PIK3R2: variants seen among roughly 807,000 people sequenced by gnomAD.
PIK3R2 encodes the protein phosphatidylinositol 3-kinase regulatory subunit beta.
In PIK3R2, 40 loss-of-function variants were observed where a neutral mutation model predicts 78.5. The observed-to-expected ratio is 0.51, with a 90% CI of 0.40 to 0.66. PIK3R2 has a LOEUF of 0.66. PIK3R2 is among the 30% of genes least tolerant of loss of function. The pLI is 0.00. For missense variants in PIK3R2, 880 were observed against 1,026.6 expected, an observed-to-expected ratio of 0.86 and a Z score of 1.95; for synonymous variants, 473 against 457.7, an observed-to-expected ratio of 1.03 and a Z score of -0.43.
chr19:18,162,361 G>A (rs550903295), intron 8 of PIK3R2, 47 bp from the exon 9 acceptor site: 7 of 1,594,420 alleles, frequency 4.4e-6, no homozygotes, highest in Middle Eastern at 1.7e-4. Flanking sequence ...CAGGGTGAGC[G>A]GGGTCTCCAG....
At position 18,169,906 on chromosome 19, in the gene PIK3R2, G is replaced by A. The variant is rs1045462782; in HGVS notation, c.*612G>A. ...CGCTGCGAGAAGTTCACCCACCCCC[G>A]AAAAAATAATTAAACTCGCAGGCCA... On this transcript the variant is annotated 3_prime_UTR_variant, in exon 16 of 16. Coordinates refer to ENST00000222254, the MANE Select transcript of PIK3R2 (RefSeq NM_005027.4). 1.4e-4 allele frequency: 27 copies of A among 194,496 alleles called. No homozygotes were observed. The highest frequency in any genetic ancestry group is 5.6e-4 in the African/African-American group (24 of 43,220). 12.0% of individuals were successfully genotyped at this position (194,496 alleles called of 1,614,324 possible). A position where few individuals can be genotyped will look rare whatever the true frequency, so the allele number is the denominator to read the frequency against.
chr19:18,163,186 G>A (rs2147953453), intron 10 of PIK3R2, 39 bp downstream of exon 10: 1 of 1,613,472 alleles, frequency 6.2e-7, no homozygotes, highest in Non-Finnish European at 8.5e-7. Flanking sequence ...GTAGCACCTG[G>A]CTGGCCCCAG....
rs571455068 is a variant in PIK3R2, at chr19:18,165,510, C to T, written c.1417-650C>T. ...GATCACGCCACTGCTCCAGCCTGGGCGACAAGAGCAAGACTCCATCTCAAA... is the reference window on the plus strand; with the variant it reads ...GATCACGCCACTGCTCCAGCCTGGGTGACAAGAGCAAGACTCCATCTCAAA... On this transcript the variant is annotated intron_variant, in intron 11 of 15. Transcript: ENST00000222254. Among the ~76,000 whole-genome samples the T allele has an allele frequency of 3.9e-5, 6 of 152,204 alleles. No individual in the cohort carries two copies. In the East Asian group the frequency reaches 5.8e-4, roughly 15 times the overall value.
At chr19:18,166,785 A>G (rs987125428) in intron 12 of PIK3R2, among the ~76,000 whole-genome samples, 1 of 151,880 alleles carries the variant, frequency 6.6e-6, no homozygotes, top group Non-Finnish European at 1.5e-5. Flanking sequence ...AGGAAACAGC[A>G]TATGCACAGG....
Position 18,161,844 on chromosome 19 carries a change from C to T in PIK3R2, c.816-122C>T. The T allele has an allele frequency of 3.9e-6, 3 of 767,094 alleles. No individual in the cohort carries two copies. Among genetic ancestry groups the T allele is most frequent in the East Asian group, 2.6e-5 (1 of 37,872 alleles). 47.5% of individuals were successfully genotyped at this position (767,094 alleles called of 1,614,324 possible). On this transcript the variant is annotated intron_variant, in intron 6 of 15. Transcript: ENST00000222254. This position sits in a 1 kb window ranked among gnomAD's most constrained non-coding sequence, Gnocchi z 5.3. Reference sequence around the variant, plus strand: ...GCACATGTGCCTGTATCATCTCCTCCTCCGCCCTGCACATACTGTCTCGTA... The same window carrying T: ...GCACATGTGCCTGTATCATCTCCTCTTCCGCCCTGCACATACTGTCTCGTA...
chr19:18,162,905 G>C (rs1432929110), intron 9 of PIK3R2, 62 bp from the exon 10 acceptor site: 1 of 1,480,422 alleles, frequency 6.8e-7, no homozygotes, highest in African/African-American at 1.4e-5. Context: ...AAAAAAAGGG[G>C]ACAGGGATTG....
intron 2 of PIK3R2, 136 bp from the exon 3 acceptor site, chr19:18,160,335 G>A (rs538998871): frequency 1.5e-6 from 1 of 650,500 alleles, no homozygotes; most frequent in South Asian, 1.9e-5. Flanking sequence ...CTGCGGATGG[G>A]AGTCAAGGTG....
intron 1 of PIK3R2, among the ~76,000 whole-genome samples, chr19:18,155,208 A>AC (rs1299577174): frequency 6.6e-6 from 1 of 151,432 alleles, no homozygotes; most frequent in African/African-American, 2.4e-5. Flanking sequence ...AAAAAAAAAA[A>AC]AAAAAAAACT....
In PIK3R2 at chr19:18,169,618, C is replaced by T. The variant is rs1285876346; in HGVS notation, c.*324C>T. Reference sequence around the variant, plus strand: ...CACCCTGACCCTCTGCCCTGCCCACCGCAGGTCCCCCGGGGTCCCGGAAGC... The same window carrying T: ...CACCCTGACCCTCTGCCCTGCCCACTGCAGGTCCCCCGGGGTCCCGGAAGC... On this transcript the variant is annotated 3_prime_UTR_variant, in exon 16 of 16. Coordinates refer to ENST00000222254, the MANE Select transcript of PIK3R2 (RefSeq NM_005027.4). The T allele has an allele frequency of 1.1e-5, 3 of 264,690 alleles. No individual in the cohort carries two copies. The highest frequency in any genetic ancestry group is 2.2e-5 in the Non-Finnish European group (3 of 138,340). The allele number at this position is 264,690 out of a possible 1,614,324, so 16.4% of individuals were successfully genotyped here.
Position 18,167,662 on chromosome 19 carries a change from A to G in PIK3R2, c.1736+356A>G, listed in dbSNP as rs559021925. 2.4e-4 allele frequency among the ~76,000 whole-genome samples: 36 copies of G among 152,258 alleles called. No individual in the cohort carries two copies. The highest frequency in any genetic ancestry group is 7.7e-4 in the African/African-American group (32 of 41,538). Reference sequence around the variant, plus strand: ...CACTTGAGGCCAGGAGTTCAAGACCAGCCTGGCCAACATGGTGAAACCCCG... The same window carrying G: ...CACTTGAGGCCAGGAGTTCAAGACCGGCCTGGCCAACATGGTGAAACCCCG... On this transcript the variant is annotated intron_variant, in intron 13 of 15. Transcript: ENST00000222254. The surrounding 1 kb of genome is among the most constrained non-coding windows in gnomAD (Gnocchi z 4.5).
Position 18,169,093 on chromosome 19 carries a change from C to T in PIK3R2, c.1986C>T (p.Asp662=), listed in dbSNP as rs749028997. Residue 662 remains aspartate (D), a synonymous_variant, in exon 16 of 16, where the codon GAC becomes GAT. Transcript: ENST00000222254. ...CTCTCGTCTGCCCCCACAGAGTGGA[C>T]GGCGACACCAAGCACTGCGTCATCT... ...RGCYACSVVV[D]GDTKHCVIYR... The T allele has an allele frequency of 1.2e-4, 192 of 1,609,940 alleles. No homozygotes were observed. The South Asian group carries it at 1.9e-3, about 16-fold the overall frequency.
In PIK3R2 at chr19:18,155,437, C is replaced by G; in HGVS notation, c.-423-20C>G. 2.5e-6 allele frequency: 1 copy of G among 401,040 alleles called. No homozygotes were observed. Among genetic ancestry groups the G allele is most frequent in the East Asian group, 3.6e-5 (1 of 27,820 alleles). The allele number at this position is 401,040 out of a possible 1,614,324, so 24.8% of individuals were successfully genotyped here. On this transcript the variant is annotated intron_variant, in intron 1 of 15. Coordinates refer to ENST00000222254, the MANE Select transcript of PIK3R2 (RefSeq NM_005027.4). ...AGAGGAGTTGGCCTGGCTAACGCTG[C>G]CCTATCCCTGTCTCCCTAGGTCGGC...
In PIK3R2 at chr19:18,162,348, T is replaced by A. The variant is rs942607993; in HGVS notation, c.1010+38T>A. 1.1e-5 allele frequency: 17 copies of A among 1,589,978 alleles called. No homozygotes were observed. In the African/African-American group the frequency reaches 1.7e-4, roughly 16 times the overall value. On this transcript the variant is annotated intron_variant, in intron 8 of 15. Transcript: ENST00000222254. Reference sequence around the variant, plus strand: ...CAGGGGGCCAGGGACCAAGGAGGTGTCACAGGGTGAGCGGGGTCTCCAGGT... The same window carrying A: ...CAGGGGGCCAGGGACCAAGGAGGTGACACAGGGTGAGCGGGGTCTCCAGGT...
At position 18,168,497 on chromosome 19, in the gene PIK3R2, C is replaced by T. The variant is rs1333755424; in HGVS notation, c.1759C>T (p.Arg587Trp). The T allele has an allele frequency of 2.6e-6, 2 of 780,786 alleles. No homozygotes were observed. The highest frequency in any genetic ancestry group is 1.7e-5 in the Admixed American group (1 of 58,926). The allele number at this position is 780,786 out of a possible 1,614,324, so 48.4% of individuals were successfully genotyped here. The change falls in exon 14 of 16, where the codon CGG (arginine) becomes TGG (tryptophan). Residue 587 changes from arginine to tryptophan, a missense_variant. Arg to Trp is a moderately radical substitution (Grantham distance 101). This residue lies in a region of PIK3R2 where 268 missense variants were observed against 299.1 expected (regional missense o/e 0.90). Transcript: ENST00000222254. This position sits in a 1 kb window ranked among gnomAD's most constrained non-coding sequence, Gnocchi z 4.1. ...CAGGTGGCTCACCCAGAAAGGCGCC[C>T]GGCAGAAGAAAATCAACGAGTGGCT... is the stretch of plus-strand genomic sequence containing the variant. ...YLVWLTQKGA[R>W]QKKINEWLGI... is the part of the protein sequence containing the mutation.
At chr19:18,154,200 G>A (rs1354008105) in intron 1 of PIK3R2, among the ~76,000 whole-genome samples, 1 of 152,104 alleles carries the variant, frequency 6.6e-6, no homozygotes, top group East Asian at 1.9e-4. Context: ...CCCTAGCCCT[G>A]TCCATCACAG....
rs1426013279 is a variant in PIK3R2, at chr19:18,168,463, G to T, written c.1737-12G>T. 2 of 779,462 alleles carry T rather than the reference G, an allele frequency of 2.6e-6. No homozygotes were observed. Among genetic ancestry groups the T allele is most frequent in the Non-Finnish European group, 4.8e-6 (2 of 417,530 alleles). The allele number at this position is 779,462 out of a possible 1,614,324, so 48.3% of individuals were successfully genotyped here. A position where few individuals can be genotyped will look rare whatever the true frequency, so the allele number is the denominator to read the frequency against. On this transcript the variant is annotated splice_polypyrimidine_tract_variant and intron_variant, in intron 13 of 15. Coordinates refer to ENST00000222254, the MANE Select transcript of PIK3R2 (RefSeq NM_005027.4). This position sits in a 1 kb window ranked among gnomAD's most constrained non-coding sequence, Gnocchi z 4.1. ...ACAACTGCACAAGCCCACCTTTCCT[G>T]TTCCTTCTCAGGTGGCTCACCCAGA...
intron 11 of PIK3R2, 182 bp from the exon 12 acceptor site, chr19:18,165,978 G>C (rs1020271244): frequency 2.6e-6 from 2 of 765,454 alleles, no homozygotes; most frequent in South Asian, 1.4e-5. Context: ...AAGAGGGTTT[G>C]GGGGGTGGGG....
Position 18,159,458 on chromosome 19 carries a change from T to C in PIK3R2, c.323-1013T>C, listed in dbSNP as rs150426133. ...CTGCCTTGGCTTTCTCTTCTTTTTT[T>C]TGAGACAGAGTCTCACTCTGTCACC... On this transcript the variant is annotated intron_variant, in intron 2 of 15. Transcript: ENST00000222254. 2.7e-3 allele frequency among the ~76,000 whole-genome samples: 411 copies of C among 152,104 alleles called. 1 individual carries two copies. The highest frequency in any genetic ancestry group is 8.6e-3 in the African/African-American group (357 of 41,480).
chr19:18,167,357 A>C lies in PIK3R2; in HGVS notation c.1736+51A>C. On this transcript the variant is annotated intron_variant, in intron 13 of 15. Transcript: ENST00000222254. The surrounding 1 kb of genome is among the most constrained non-coding windows in gnomAD (Gnocchi z 4.5). ...GCGGCTCCCTGGCGACTGCTGCGGC[A>C]CATGGAGATCTCTCTAGGAGTCTCA... The C allele has an allele frequency of 6.9e-7, 1 of 1,451,548 alleles. No individual in the cohort carries two copies. Among genetic ancestry groups the C allele is most frequent in the Non-Finnish European group, 9.3e-7 (1 of 1,073,784 alleles). The allele number at this position is 1,451,548 out of a possible 1,614,324, so 89.9% of individuals were successfully genotyped here.
Sources: allele counts gnomAD v4.1 joint callset (sites outside exome capture counted in the v4.1 genomes callset), GRCh38; gene constraint gnomAD v4.1.1; regional missense constraint gnomAD v4.1.1; non-coding constraint Gnocchi (gnomAD v3.1); transcripts MANE v1.5; gene names NCBI Gene and HGNC (gene_info 2026-07-23, HGNC 2026-07-21).